NOL10: variants seen among roughly 807,000 people sequenced by gnomAD.
The protein encoded by NOL10 is H_NH0074G24.1.
Under a neutral mutation model 103.5 loss-of-function variants are expected in NOL10, and 58 were observed. The ratio of observed to expected loss-of-function variants is 0.56; its 90% CI spans 0.45 to 0.70. NOL10 has a LOEUF of 0.70. NOL10 is among the 30% of genes least tolerant of loss of function. The pLI is 0.00. For missense variants in NOL10, 763 were observed against 807.3 expected, an observed-to-expected ratio of 0.95 and a Z score of 0.67; for synonymous variants, 287 against 282.5, an observed-to-expected ratio of 1.02 and a Z score of -0.16.
rs1405239628 is a variant in NOL10, at chr2:10,589,154, T to C, written c.1733A>G (p.Glu578Gly). Residue 578 changes from glutamate (E) to glycine (G), a missense_variant, in exon 19 of 21, where the codon GAA becomes GGA. By Grantham distance (98) the Glu-to-Gly change is moderately conservative. Transcript: ENST00000381685. ...LQQEEKVKRQ[E>G]RLKEDQQTVL... ...TGTCTGCTGGTCCTCCTTGAGTCGTTCCTGCCGCTTCACTTTTTCCTCCTG... is the reference window on the plus strand; with the variant it reads ...TGTCTGCTGGTCCTCCTTGAGTCGTCCCTGCCGCTTCACTTTTTCCTCCTG... The C allele has an allele frequency of 6.2e-7, 1 of 1,614,014 alleles. No individual in the cohort carries two copies. Among genetic ancestry groups the C allele is most frequent in the Middle Eastern group, 1.6e-4 (1 of 6,062 alleles).
At chr2:10,664,132 C>A (rs1371087419) in intron 8 of NOL10, among the ~76,000 whole-genome samples, 2 of 148,084 alleles carry the variant, frequency 1.4e-5, no homozygotes, top group African/African-American at 2.5e-5. Context: ...AAAAAAAAAA[C>A]CCAAAAAAAC....
At chr2:10,616,720 T>C (rs1200349687) in intron 13 of NOL10, among the ~76,000 whole-genome samples, 5 of 152,100 alleles carry the variant, frequency 3.3e-5, no homozygotes, top group African/African-American at 1.2e-4. Flanking sequence ...AGCTAATTTT[T>C]GTATCTTTTG....
At chr2:10,676,682 G>A (rs1458450368) in intron 3 of NOL10, among the ~76,000 whole-genome samples, 1 of 145,850 alleles carries the variant, frequency 6.9e-6, no homozygotes, top group African/African-American at 2.5e-5. Flanking sequence ...CTGTCATTTA[G>A]ACTGGGGTGC....
chr2:10,581,273 CT>C (rs70953313), intron 19 of NOL10, among the ~76,000 whole-genome samples: 52,237 of 151,986 alleles, frequency 0.34, 9,405 homozygotes, highest in Non-Finnish European at 0.4. Flanking sequence ...CTGGCAGTCT[CT>C]TATCGCATAC....
At chr2:10,644,112 T>A (rs547506079) in intron 13 of NOL10, among the ~76,000 whole-genome samples, 1 of 152,138 alleles carries the variant, frequency 6.6e-6, no homozygotes, top group South Asian at 2.1e-4. Flanking sequence ...TAGCCAGGTG[T>A]GGTAGCGTAC....
chr2:10,673,816 T>A (rs1442027218), intron 4 of NOL10, among the ~76,000 whole-genome samples: 1 of 152,164 alleles, frequency 6.6e-6, no homozygotes, highest in East Asian at 1.9e-4. Context: ...ATATAATGAC[T>A]TCTAAATTCT....
chr2:10,639,840 A>G (rs1484732875), intron 13 of NOL10, among the ~76,000 whole-genome samples: 1 of 152,092 alleles, frequency 6.6e-6, no homozygotes, highest in East Asian at 1.9e-4. Flanking sequence ...GAGAGAATTA[A>G]AAAAATAAAA....
At chr2:10,660,633 C>T (rs1033653006) in intron 9 of NOL10, among the ~76,000 whole-genome samples, 2 of 151,972 alleles carry the variant, frequency 1.3e-5, no homozygotes, top group African/African-American at 2.4e-5. Flanking sequence ...ATGTTCTTAT[C>T]GAGTTTTACA....
intron 13 of NOL10, among the ~76,000 whole-genome samples, chr2:10,638,330 G>GTAACGTAACGTAACGTA (rs1558311284): frequency 1.7e-4 from 16 of 92,824 alleles, no homozygotes; most frequent in African/African-American, 3.4e-4. Flanking sequence ...GACGTGACGT[G>GTAACGTAACGTAACGTA]ACGTAACGTA....
At chr2:10,686,145 T>C (rs1241807659) in intron 1 of NOL10, among the ~76,000 whole-genome samples, 2 of 151,868 alleles carry the variant, frequency 1.3e-5, no homozygotes, top group Non-Finnish European at 2.9e-5. Context: ...AATAAGGAAG[T>C]AAAACAATTA....
At chr2:10,601,383 A>G (rs1572267456) in intron 16 of NOL10, among the ~76,000 whole-genome samples, 1 of 152,160 alleles carries the variant, frequency 6.6e-6, no homozygotes, top group African/African-American at 2.4e-5. Context: ...GTATTTTAAA[A>G]ATTTCATTAT....
intron 8 of NOL10, among the ~76,000 whole-genome samples, chr2:10,664,651 C>T (rs1680457421): frequency 3.3e-5 from 5 of 152,168 alleles, no homozygotes; most frequent in Non-Finnish European, 1.5e-5. Context: ...TCCATCCTCT[C>T]ACCTCAGCTT....
At chr2:10,661,388 T>C (rs934758734) in intron 9 of NOL10, among the ~76,000 whole-genome samples, 3 of 151,462 alleles carry the variant, frequency 2.0e-5, no homozygotes, top group Non-Finnish European at 4.4e-5. Flanking sequence ...TTATTTATGT[T>C]TGAGATGGAG....
In NOL10 at chr2:10,614,975, C is replaced by G. The variant is rs558481157; in HGVS notation, c.1027-7664G>C. Among the ~76,000 whole-genome samples, 6 of 152,310 alleles carry G rather than the reference C, an allele frequency of 3.9e-5. No homozygotes were observed. In the South Asian group the frequency reaches 1.2e-3, roughly 32 times the overall value. On this transcript the variant is annotated intron_variant, in intron 13 of 20. Coordinates refer to ENST00000381685, the MANE Select transcript of NOL10 (RefSeq NM_024894.4). ...TTCCATTATTGTTGGAAAGGCCTCA[C>G]TAGGAGCAGCAGCATGTATTTTCAA...
intron 13 of NOL10, among the ~76,000 whole-genome samples, chr2:10,622,500 GAGAAGAAAAAATA>G (rs1677209039): frequency 1.1e-5 from 1 of 90,562 alleles, no homozygotes; most frequent in African/African-American, 5.0e-5. Flanking sequence ...AAAAAAAAGA[GAGAAGAAAAAATA>G]AACACCCCCA....
chr2:10,587,078 CAT>C (rs1191944998), intron 19 of NOL10, among the ~76,000 whole-genome samples: 579 of 27,880 alleles, frequency 0.021, 149 homozygotes, highest in Middle Eastern at 0.12. Flanking sequence ...CATATATATA[CAT>C]ATATATACAT....
At chr2:10,587,044 T>TGTATATATATAC (rs1675061496) in intron 19 of NOL10, among the ~76,000 whole-genome samples, 1 of 58,264 alleles carries the variant, frequency 1.7e-5, no homozygotes, top group African/African-American at 6.0e-5. Flanking sequence ...AAGTTAAATG[T>TGTATATATATAC]ATATATATAT....
At chr2:10,632,240 C>T (rs1677897005) in intron 13 of NOL10, among the ~76,000 whole-genome samples, 1 of 152,082 alleles carries the variant, frequency 6.6e-6, no homozygotes, top group African/African-American at 2.4e-5. Context: ...AAAATGACGC[C>T]CCTGCATTCA....
At chr2:10,639,236 C>T (rs987840219) in intron 13 of NOL10, among the ~76,000 whole-genome samples, 6 of 152,072 alleles carry the variant, frequency 3.9e-5, no homozygotes, top group Non-Finnish European at 8.8e-5. Flanking sequence ...TCCTGGCTAA[C>T]ACAGTGAAAT....
Sources: gnomAD v4.1 joint callset for allele counts (sites outside exome capture counted in the v4.1 genomes callset) on GRCh38, gnomAD v4.1.1 for gene constraint, MANE v1.5 for transcripts, NCBI Gene and HGNC (gene_info 2026-07-23, HGNC 2026-07-21) for gene names.